The following WDR19 variants were observed in gnomAD, a reference collection of about 807,000 sequenced individuals.
WDR19 encodes the protein WD repeat domain 19, also known as WD repeat-containing protein 19.
WDR19 carries 121 observed loss-of-function variants against 180.0 expected under a neutral mutation model. The observed-to-expected ratio is 0.67, with a 90% confidence interval of 0.58 to 0.78. The LOEUF (loss-of-function observed/expected upper bound fraction) is 0.78. Ranked by LOEUF, WDR19 falls within the 30% of genes least tolerant of loss-of-function variation. The pLI is 0.00. For missense variants in WDR19, 1,450 were observed against 1,640.7 expected (o/e 0.88, Z 2.01); for synonymous variants, 497 against 540.7 (o/e 0.92, Z 1.12).
chr4:39,230,429 A>T (rs1730718703), intron 17 of WDR19, among the ~76,000 whole-genome samples: 1 of 150,678 alleles, frequency 6.6e-6, no homozygotes, highest in Non-Finnish European at 1.5e-5. Flanking sequence ...AGGATGCAGT[A>T]TACACAGTGG....
chr4:39,256,047 T>C, intron 27 of WDR19, 87 bp downstream of exon 27: 1 of 989,764 alleles, frequency 1.0e-6, no homozygotes, highest in Non-Finnish European at 1.5e-6. Flanking sequence ...TTGTAGGAAA[T>C]ATATGTAAAT....
At chr4:39,278,260 T>G in intron 35 of WDR19, 53 bp downstream of exon 35, 2 of 1,444,522 alleles carry the variant, frequency 1.4e-6, no homozygotes, top group Non-Finnish European at 1.9e-6. Flanking sequence ...ACACAGGCCT[T>G]TCATTCTACC....
intron 14 of WDR19, among the ~76,000 whole-genome samples, chr4:39,219,407 C>T (rs752110780): frequency 2.0e-5 from 3 of 152,134 alleles, no homozygotes; most frequent in African/African-American, 4.8e-5. Context: ...CATCGCCAAC[C>T]GAAACATTAT....
At position 39,205,686 on chromosome 4, in the gene WDR19, C is replaced by T. The variant is rs1453471605; in HGVS notation, c.840C>T (p.Ser280=). Residue 280 remains serine, a synonymous_variant, in exon 9 of 37, where the codon AGC becomes AGT. Coordinates refer to ENST00000399820, the MANE Select transcript of WDR19 (RefSeq NM_025132.4). ...GTAACCATAAAGATAATCTAACCAGCATTGCAGTATCACAGACTCTTAACA... is the reference window on the plus strand; with the variant it reads ...GTAACCATAAAGATAATCTAACCAGTATTGCAGTATCACAGACTCTTAACA... The part of the protein sequence containing the change: ...QARNHKDNLT[S]IAVSQTLNKV... 1 of 1,610,956 alleles carries T rather than the reference C, an allele frequency of 6.2e-7. No individual in the cohort carries two copies. Among genetic ancestry groups the T allele is most frequent in the South Asian group, 1.1e-5 (1 of 90,456 alleles).
At position 39,253,964 on chromosome 4, in the gene WDR19, T is replaced by A; in HGVS notation, c.2935T>A (p.Cys979Ser). 1 of 1,612,100 alleles carries A rather than the reference T, an allele frequency of 6.2e-7. No homozygotes were observed. Among genetic ancestry groups the A allele is most frequent in the Non-Finnish European group, 8.5e-7 (1 of 1,178,558 alleles). ...CATCCAGTTTCTTGTCATGTCCAAA[T>A]GCAACAATGAAGCTTTCACACTGGC... ...SAIQFLVMSK[C>S]NNEAFTLAQQ... The change falls in exon 26 of 37, where the codon TGC becomes AGC. Residue 979 changes from cysteine to serine, a missense_variant. Coordinates refer to ENST00000399820, the MANE Select transcript of WDR19 (RefSeq NM_025132.4).
chr4:39,203,578 T>C, intron 6 of WDR19, 64 bp from the exon 7 acceptor site: 1 of 1,330,506 alleles, frequency 7.5e-7, no homozygotes, highest in Non-Finnish European at 1.1e-6. Context: ...ATCCATTCTA[T>C]TAATATTCAG....
intron 33 of WDR19, among the ~76,000 whole-genome samples, chr4:39,275,878 C>T (rs751039837): frequency 2.6e-5 from 4 of 152,194 alleles, no homozygotes; most frequent in Non-Finnish European, 5.9e-5. Flanking sequence ...CAGCAGAGAG[C>T]TCATTTCCAA....
intron 21 of WDR19, among the ~76,000 whole-genome samples, chr4:39,240,722 T>C (rs1424335314): frequency 6.6e-6 from 1 of 151,894 alleles, no homozygotes; most frequent in East Asian, 1.9e-4. Flanking sequence ...GAGGCCAAGG[T>C]GGGCGGATCA....
rs745318114 is a variant in WDR19, at chr4:39,245,390, G to T, written c.2667G>T (p.Leu889=). 3 of 1,613,546 alleles carry T rather than the reference G, an allele frequency of 1.9e-6. No homozygotes were observed. Among genetic ancestry groups the T allele is most frequent in the Non-Finnish European group, 2.5e-6 (3 of 1,179,740 alleles). The change falls in exon 24 of 37, where the codon CTG becomes CTT. Residue 889 remains leucine (L), a synonymous_variant. Coordinates refer to ENST00000399820, the MANE Select transcript of WDR19 (RefSeq NM_025132.4). ...SKNWAKVGDL[L]PHVSSPKIHL... Reference sequence around the variant, plus strand: ...CCAGGGCAAAAGTTGGTGATCTTCTGCCCCACGTTTCTTCTCCTAAGATCC... The same window carrying T: ...CCAGGGCAAAAGTTGGTGATCTTCTTCCCCACGTTTCTTCTCCTAAGATCC...
In WDR19 at chr4:39,231,887, G is replaced by A. The variant is rs1730907627; in HGVS notation, c.2073G>A (p.Val691=). The part of the protein sequence containing the change: ...LARACLHHME[V]EFAIRVYRRI... ...GAGCTTGTCTACATCACATGGAAGTGGAGTTTGCAATCCGTGTTTATCGGA... is the reference window on the plus strand; with the variant it reads ...GAGCTTGTCTACATCACATGGAAGTAGAGTTTGCAATCCGTGTTTATCGGA... The change falls in exon 18 of 37, where the codon GTG becomes GTA. Residue 691 remains valine (V), a synonymous_variant. Transcript: ENST00000399820. 1 of 1,613,634 alleles carries A rather than the reference G, an allele frequency of 6.2e-7. No homozygotes were observed. The highest frequency in any genetic ancestry group is 8.5e-7 in the Non-Finnish European group (1 of 1,179,590).
intron 1 of WDR19, among the ~76,000 whole-genome samples, chr4:39,183,310 C>G (rs944641247): frequency 8.0e-6 from 1 of 125,092 alleles, no homozygotes; most frequent in Non-Finnish European, 1.6e-5. Context: ...AGTGCAGTGG[C>G]GCAATCTCTG....
At chr4:39,188,316 C>T (rs1725778667) in intron 3 of WDR19, among the ~76,000 whole-genome samples, 1 of 151,940 alleles carries the variant, frequency 6.6e-6, no homozygotes, top group Non-Finnish European at 1.5e-5. Flanking sequence ...TTATAATATA[C>T]ATTTTGGAAT....
chr4:39,242,731 G>A (rs552685962), intron 21 of WDR19, among the ~76,000 whole-genome samples: 146 of 152,216 alleles, frequency 9.6e-4, no homozygotes, highest in African/African-American at 3.3e-3. Flanking sequence ...GCAGTGGTGC[G>A]ATCCTGGCTC....
chr4:39,211,640 C>T (rs1728514076), intron 9 of WDR19, among the ~76,000 whole-genome samples: 1 of 152,006 alleles, frequency 6.6e-6, no homozygotes, highest in Non-Finnish European at 1.5e-5. Flanking sequence ...ACAATGAAAA[C>T]AAAAATGAAA....
intron 36 of WDR19, among the ~76,000 whole-genome samples, chr4:39,284,502 CTTTTT>C (rs34086720): frequency 6.8e-6 from 1 of 146,782 alleles, no homozygotes; most frequent in Non-Finnish European, 1.5e-5. Context: ...CCATACCCAG[CTTTTT>C]TTTTTCTTTT....
At chr4:39,213,664 T>G (rs571304341) in intron 9 of WDR19, among the ~76,000 whole-genome samples, 11 of 152,328 alleles carry the variant, frequency 7.2e-5, no homozygotes, top group African/African-American at 2.6e-4. Context: ...CTGACTATGG[T>G]TGTGAGTCTC....
chr4:39,268,531 C>G (rs1735030170), intron 30 of WDR19, among the ~76,000 whole-genome samples: 1 of 152,142 alleles, frequency 6.6e-6, no homozygotes. Flanking sequence ...TTGATAGACT[C>G]TTCAGGATGG....
intron 9 of WDR19, among the ~76,000 whole-genome samples, chr4:39,208,501 T>C (rs1728182101): frequency 6.6e-6 from 1 of 152,018 alleles, no homozygotes; most frequent in South Asian, 2.1e-4. Context: ...GAGACGGGGT[T>C]GTACCATGTT....
rs1161525503 is a variant in WDR19 at position 39,194,537 on chromosome 4, G to A, written c.291-7G>A. ...ATTGTTTAGTAATTTATATCTTAAT[G>A]TTACAGGGATCAAATGTCTTTCCTT... On this transcript the variant is annotated splice_polypyrimidine_tract_variant and splice_region_variant and intron_variant, in intron 4 of 36. Coordinates refer to ENST00000399820, the MANE Select transcript of WDR19 (RefSeq NM_025132.4). 1.3e-6 allele frequency: 2 copies of A among 1,585,582 alleles called. No homozygotes were observed. The highest frequency in any genetic ancestry group is 1.7e-6 in the Non-Finnish European group (2 of 1,157,122).
Sources: gnomAD v4.1 joint callset for allele counts (sites outside exome capture counted in the v4.1 genomes callset) on GRCh38, gnomAD v4.1.1 for gene constraint, MANE v1.5 for transcripts, NCBI Gene and HGNC (gene_info 2026-07-23, HGNC 2026-07-21) for gene names.